PLEKHA7: variants seen among roughly 807,000 people sequenced by gnomAD.
The protein encoded by PLEKHA7 is pleckstrin homology domain-containing family A member 7.
PLEKHA7 carries 104 observed loss-of-function variants against 170.0 expected under a neutral mutation model. The observed-to-expected ratio is 0.61, with a 90% CI of 0.52 to 0.72. The LOEUF (loss-of-function observed/expected upper bound fraction) is 0.72, where lower values mean the gene tolerates loss of function less well. PLEKHA7 is among the 30% of genes least tolerant of loss of function. PLEKHA7 has a pLI of 0.00. For synonymous variants in PLEKHA7, 648 were observed against 660.8 expected, an observed-to-expected ratio of 0.98 and a Z score of 0.30; for missense variants, 1,615 against 1,671.7, an observed-to-expected ratio of 0.97 and a Z score of 0.59.
At chr11:16,855,198 C>T (rs1372519746) in intron 5 of PLEKHA7, among the ~76,000 whole-genome samples, 2 of 152,086 alleles carry the variant, frequency 1.3e-5, no homozygotes, top group South Asian at 4.1e-4. Context: ...CCTGGCAAAC[C>T]TCCCAGCTGG....
At chr11:16,920,620 T>C (rs1859016759) in intron 3 of PLEKHA7, among the ~76,000 whole-genome samples, 2 of 152,208 alleles carry the variant, frequency 1.3e-5, no homozygotes, top group African/African-American at 4.8e-5. Context: ...TAAGACCACT[T>C]GCCTCTGAGT....
chr11:16,862,191 C>T (rs1366679170), intron 4 of PLEKHA7, among the ~76,000 whole-genome samples: 2 of 152,118 alleles, frequency 1.3e-5, no homozygotes, highest in Admixed American at 1.3e-4. Flanking sequence ...GCTGCAGTTC[C>T]TCACCCCACT....
rs1244380786 is a variant in PLEKHA7, at chr11:16,854,877, C to T, written c.522+12G>A. ...CATTTCCTCCAGGATTCTCACTCCT[C>T]GGCTTCCTCACCTGCTTGTGCAGCC... is the stretch of plus-strand genomic sequence containing the variant. On this transcript the variant is annotated intron_variant, in intron 6 of 26. Coordinates refer to ENST00000531066, the MANE Select transcript of PLEKHA7 (RefSeq NM_001329630.2). 5.0e-6 allele frequency: 8 copies of T among 1,610,734 alleles called. No homozygotes were observed. Among genetic ancestry groups the T allele is most frequent in the East Asian group, 4.5e-5 (2 of 44,846 alleles).
intron 3 of PLEKHA7, among the ~76,000 whole-genome samples, chr11:16,912,404 T>C (rs955250835): frequency 1.3e-5 from 2 of 152,142 alleles, no homozygotes; most frequent in East Asian, 1.9e-4. Flanking sequence ...GGTATAACTA[T>C]AAAGGGAGAC....
chr11:16,878,147 A>G (rs1340683614), intron 3 of PLEKHA7, among the ~76,000 whole-genome samples: 1 of 152,220 alleles, frequency 6.6e-6, no homozygotes, highest in African/African-American at 2.4e-5. Flanking sequence ...TGAGGCACAC[A>G]GAACCAAGTC....
intron 3 of PLEKHA7, among the ~76,000 whole-genome samples, chr11:16,874,286 C>A (rs1306429639): frequency 6.6e-6 from 1 of 152,066 alleles, no homozygotes; most frequent in Middle Eastern, 3.2e-3. Context: ...GCGGGTGAAT[C>A]ACTTAAGCCC....
chr11:16,872,827 A>G (rs1854971776), intron 3 of PLEKHA7, among the ~76,000 whole-genome samples: 2 of 152,002 alleles, frequency 1.3e-5, no homozygotes, highest in South Asian at 4.1e-4. Flanking sequence ...TTTTCATACA[A>G]CCACTCAGAA....
At chr11:16,946,006 G>A (rs1861003778) in intron 3 of PLEKHA7, among the ~76,000 whole-genome samples, 1 of 152,210 alleles carries the variant, frequency 6.6e-6, no homozygotes, top group Admixed American at 6.5e-5. Context: ...CTGCTCATGA[G>A]GGAGCCACAG....
At chr11:16,848,277 C>T (rs1852628446) in intron 8 of PLEKHA7, among the ~76,000 whole-genome samples, 2 of 152,194 alleles carry the variant, frequency 1.3e-5, no homozygotes, top group African/African-American at 2.4e-5. Context: ...ATTGCTGTTT[C>T]CCTAGCGTCT....
intron 3 of PLEKHA7, among the ~76,000 whole-genome samples, chr11:16,923,644 G>A (rs1287706312): frequency 6.6e-6 from 1 of 152,088 alleles, no homozygotes; most frequent in Non-Finnish European, 1.5e-5. Context: ...AGGGAGCACA[G>A]CAGCCTGTCT....
intron 13 of PLEKHA7, among the ~76,000 whole-genome samples, chr11:16,805,828 A>C (rs186283091): frequency 2.6e-5 from 4 of 151,822 alleles, no homozygotes; most frequent in Non-Finnish European, 4.4e-5. Flanking sequence ...AACAAAAAAA[A>C]CTGCTGCTTA....
chr11:16,983,685 C>T (rs532444054), intron 3 of PLEKHA7, among the ~76,000 whole-genome samples: 12 of 152,218 alleles, frequency 7.9e-5, no homozygotes, highest in Non-Finnish European at 1.8e-4. Context: ...GACTACTAAA[C>T]AGAAGATCCA....
chr11:16,778,213 T>C lies in PLEKHA7; in HGVS notation c.*785A>G, dbSNP rs1403484557. The C allele has an allele frequency of 1.3e-5, 2 of 151,518 alleles. No individual in the cohort carries two copies. Among genetic ancestry groups the C allele is most frequent in the Non-Finnish European group, 2.9e-5 (2 of 68,054 alleles). 9.4% of individuals were successfully genotyped at this position (151,518 alleles called of 1,614,324 possible). On this transcript the variant is annotated 3_prime_UTR_variant, in exon 27 of 27. Transcript: ENST00000531066. ...TGAACCCAGGAGGCAGAGGTTGCAG[T>C]GAACCGAGATCGTGCCATTGCACTC...
At chr11:16,879,012 C>T (rs982993343) in intron 3 of PLEKHA7, among the ~76,000 whole-genome samples, 7 of 152,108 alleles carry the variant, frequency 4.6e-5, no homozygotes, top group Non-Finnish European at 8.8e-5. Flanking sequence ...GTTAATACAC[C>T]CCACTGAGAA....
In PLEKHA7 at chr11:16,875,972, C is replaced by T. The variant is rs112164135; in HGVS notation, c.222-4790G>A. ...AACCTCAGTCAGCTCCTGTGTTCCCCGCACACCACCACCCTTTTGATCTCT... is the reference window on the plus strand; with the variant it reads ...AACCTCAGTCAGCTCCTGTGTTCCCTGCACACCACCACCCTTTTGATCTCT... On this transcript the variant is annotated intron_variant, in intron 3 of 26. Transcript: ENST00000531066. 2.1e-3 allele frequency among the ~76,000 whole-genome samples: 322 copies of T among 152,058 alleles called. 4 individuals carry two copies. The highest frequency in any genetic ancestry group is 7.1e-3 in the African/African-American group (293 of 41,516).
chr11:16,802,046 G>T (rs1456206454), intron 15 of PLEKHA7, among the ~76,000 whole-genome samples: 1 of 151,940 alleles, frequency 6.6e-6, no homozygotes, highest in Non-Finnish European at 1.5e-5. Flanking sequence ...TATAAACTAG[G>T]GATACAGCTG....
intron 3 of PLEKHA7, among the ~76,000 whole-genome samples, chr11:16,918,609 C>T (rs373660526): frequency 6.5e-4 from 99 of 152,298 alleles, no homozygotes; most frequent in African/African-American, 2.2e-3. Context: ...GGGTTGGCTC[C>T]CTTCTACTTG....
At chr11:17,006,523 G>A (rs10832716) in intron 3 of PLEKHA7, among the ~76,000 whole-genome samples, 95,426 of 150,428 alleles carry the variant, frequency 0.63, 30,921 homozygotes, top group East Asian at 0.96. Flanking sequence ...AGCTACTCAG[G>A]AGGCTGAGGT....
chr11:16,816,911 C>G lies in PLEKHA7; in HGVS notation c.1755G>C (p.Arg585=), dbSNP rs1469954578. Residue 585 remains arginine (R), a synonymous_variant, in exon 11 of 27, where the codon CGG becomes CGC. Transcript: ENST00000531066. ...PPGPPRVFPP[R]RPHTPAERVT... ...CTCGCTCTGCTGGTGTGTGTGGCCGCCGGGGTGGGAAGACCCTTGGGGGTC... is the reference window on the plus strand; with the variant it reads ...CTCGCTCTGCTGGTGTGTGTGGCCGGCGGGGTGGGAAGACCCTTGGGGGTC... The G allele has an allele frequency of 3.1e-6, 5 of 1,613,932 alleles. No homozygotes were observed. The African/African-American group carries it at 6.7e-5, about 22-fold the overall frequency.
Sources: allele counts gnomAD v4.1 joint callset (sites outside exome capture counted in the v4.1 genomes callset), GRCh38; gene constraint gnomAD v4.1.1; transcripts MANE v1.5; gene names NCBI Gene and HGNC (gene_info 2026-07-23, HGNC 2026-07-21).